The following CHCHD6 variants were observed in gnomAD, a reference collection of about 807,000 sequenced individuals.
The protein encoded by CHCHD6 is coiled-coil-helix-coiled-coil-helix domain containing 6, also known as MICOS complex subunit MIC25.
CHCHD6 carries 28 observed loss-of-function variants against 32.3 expected under a neutral mutation model. The observed-to-expected ratio is 0.87, with a 90% CI of 0.64 to 1.19. The LOEUF (loss-of-function observed/expected upper bound fraction) is 1.19. CHCHD6 is among the 50% of genes most tolerant of loss of function. The probability of loss-of-function intolerance (pLI) is 0.00; values close to 1 mark genes in which losing one functional copy is unlikely to be tolerated. For missense variants in CHCHD6, 333 were observed against 307.0 expected, an observed-to-expected ratio of 1.08 and a Z score of -0.63; for synonymous variants, 122 against 117.5, an observed-to-expected ratio of 1.04 and a Z score of -0.25.
At position 126,722,396 on chromosome 3, in the gene CHCHD6, C is replaced by T. The variant is rs542173649; in HGVS notation, c.88-4682C>T. 2.3e-4 allele frequency among the ~76,000 whole-genome samples: 35 copies of T among 152,314 alleles called. No individual in the cohort carries two copies. In the East Asian group the frequency reaches 6.7e-3, roughly 29 times the overall value. On this transcript the variant is annotated intron_variant, in intron 1 of 7. Transcript: ENST00000290913. ...CAGGCTGGTCTCAAACTCCTGGTCT[C>T]AAGTGATCCTTTTGCCTCGGCCCTC...
At chr3:126,807,177 A>G (rs1189592401) in intron 4 of CHCHD6, among the ~76,000 whole-genome samples, 1 of 151,572 alleles carries the variant, frequency 6.6e-6, no homozygotes, top group Non-Finnish European at 1.5e-5. Flanking sequence ...GTGCACATGT[A>G]CCCTAAAACT....
intron 6 of CHCHD6, among the ~76,000 whole-genome samples, chr3:126,932,262 C>T (rs1035410285): frequency 5.9e-5 from 9 of 152,102 alleles, no homozygotes; most frequent in African/African-American, 2.2e-4. Flanking sequence ...TTGTGGTGGC[C>T]CATAGACCAC....
chr3:126,704,993 C>A (rs1279295399), intron 1 of CHCHD6, among the ~76,000 whole-genome samples: 1 of 152,158 alleles, frequency 6.6e-6, no homozygotes, highest in Non-Finnish European at 1.5e-5. Context: ...GACTGCATCT[C>A]GTGCCATTTC....
chr3:126,923,103 C>T (rs934950012), intron 6 of CHCHD6, among the ~76,000 whole-genome samples: 9 of 152,210 alleles, frequency 5.9e-5, no homozygotes, highest in Non-Finnish European at 8.8e-5. Context: ...TGCCACTGCG[C>T]TGTAGCAGCT....
intron 4 of CHCHD6, among the ~76,000 whole-genome samples, chr3:126,781,317 G>T (rs1670149953): frequency 6.6e-6 from 1 of 152,320 alleles, no homozygotes; most frequent in Middle Eastern, 3.4e-3. Flanking sequence ...GACCAGCAGG[G>T]CCATTTCTAG....
chr3:126,947,432 G>A (rs1276542394), intron 6 of CHCHD6, among the ~76,000 whole-genome samples: 1 of 152,222 alleles, frequency 6.6e-6, no homozygotes, highest in Non-Finnish European at 1.5e-5. Flanking sequence ...GAGTACCCTT[G>A]GTTGTCTCTT....
chr3:126,956,009 G>A (rs955710041), intron 6 of CHCHD6, among the ~76,000 whole-genome samples: 17 of 152,220 alleles, frequency 1.1e-4, no homozygotes, highest in Non-Finnish European at 5.9e-5. Flanking sequence ...GAGCAAGACA[G>A]CTAAATATGG....
At chr3:126,813,967 A>G (rs964738519) in intron 4 of CHCHD6, among the ~76,000 whole-genome samples, 3 of 152,190 alleles carry the variant, frequency 2.0e-5, no homozygotes, top group Admixed American at 2.0e-4. Flanking sequence ...CTCAGATCCA[A>G]CTCAGTATTT....
chr3:126,729,014 C>T (rs1313645477), intron 2 of CHCHD6, among the ~76,000 whole-genome samples: 1 of 152,106 alleles, frequency 6.6e-6, no homozygotes. Context: ...AAATTCTTCT[C>T]ATACTATACC....
chr3:126,853,745 G>C (rs1259189042), intron 5 of CHCHD6, among the ~76,000 whole-genome samples: 2 of 152,196 alleles, frequency 1.3e-5, no homozygotes, highest in Non-Finnish European at 2.9e-5. Context: ...AGGAATGGCA[G>C]TGCACCTCTG....
intron 4 of CHCHD6, among the ~76,000 whole-genome samples, chr3:126,813,962 A>T (rs1275377558): frequency 6.6e-6 from 1 of 152,232 alleles, no homozygotes; most frequent in Non-Finnish European, 1.5e-5. Context: ...AAGAGCTCAG[A>T]TCCAACTCAG....
chr3:126,780,825 C>T (rs568078030), intron 4 of CHCHD6, among the ~76,000 whole-genome samples: 8 of 152,190 alleles, frequency 5.3e-5, no homozygotes, highest in Non-Finnish European at 1.0e-4. Flanking sequence ...TATTATCTTC[C>T]TGCACAAGAA....
At chr3:126,830,501 C>T (rs1033692774) in intron 4 of CHCHD6, among the ~76,000 whole-genome samples, 1 of 152,210 alleles carries the variant, frequency 6.6e-6, no homozygotes, top group Non-Finnish European at 1.5e-5. Flanking sequence ...CTGTGGGCAG[C>T]ACGATCACAA....
chr3:126,957,050 C>T (rs2078795295), intron 6 of CHCHD6: 5 of 304,870 alleles, frequency 1.6e-5, no homozygotes, highest in South Asian at 1.3e-4. Context: ...CTGGGCACAG[C>T]GGGGCGGGTT....
intron 4 of CHCHD6, among the ~76,000 whole-genome samples, chr3:126,779,604 G>A (rs891690598): frequency 6.6e-6 from 1 of 151,700 alleles, no homozygotes; most frequent in African/African-American, 2.4e-5. Context: ...GATGTCTTTG[G>A]AGTTAATTTT....
At chr3:126,950,253 G>T (rs1029913253) in intron 6 of CHCHD6, among the ~76,000 whole-genome samples, 1 of 151,996 alleles carries the variant, frequency 6.6e-6, no homozygotes. Flanking sequence ...TTGTATGCAG[G>T]GTAGTCAGAG....
At chr3:126,796,777 G>A (rs1938812711) in intron 4 of CHCHD6, among the ~76,000 whole-genome samples, 1 of 152,258 alleles carries the variant, frequency 6.6e-6, no homozygotes, top group Admixed American at 6.5e-5. Context: ...CACTACACAT[G>A]TACTTGGGAG....
At chr3:126,835,648 A>G (rs1559872160) in intron 4 of CHCHD6, among the ~76,000 whole-genome samples, 1 of 152,140 alleles carries the variant, frequency 6.6e-6, no homozygotes, top group Non-Finnish European at 1.5e-5. Context: ...CTGAACTCTT[A>G]CTGTTTGGAG....
intron 4 of CHCHD6, among the ~76,000 whole-genome samples, chr3:126,768,101 C>T (rs1183241040): frequency 6.6e-6 from 1 of 152,086 alleles, no homozygotes; most frequent in African/African-American, 2.4e-5. Context: ...AATCTCATGT[C>T]GAATTGTAAT....
Sources: gnomAD v4.1 joint callset for allele counts (sites outside exome capture counted in the v4.1 genomes callset) on GRCh38, gnomAD v4.1.1 for gene constraint, MANE v1.5 for transcripts, NCBI Gene and HGNC (gene_info 2026-07-23, HGNC 2026-07-21) for gene names.